Variants in SH3GL3 observed in about 807,000 individuals in gnomAD.
SH3GL3 encodes endophilin-A3.
Under a neutral mutation model 47.7 loss-of-function variants are expected in SH3GL3, and 33 were observed. The observed-to-expected ratio is 0.69, with a 90% CI of 0.52 to 0.92. The LOEUF is 0.92. Among genes scored for constraint, SH3GL3 ranks in the 40% least tolerant of loss-of-function variants. SH3GL3 has a pLI of 0.00. For synonymous variants in SH3GL3, 155 were observed against 148.8 expected, an observed-to-expected ratio of 1.04 and a Z score of -0.30; for missense variants, 363 against 417.8, an observed-to-expected ratio of 0.87 and a Z score of 1.14.
At chr15:83,586,233 A>G (rs1677763525) in intron 6 of SH3GL3, among the ~76,000 whole-genome samples, 1 of 152,180 alleles carries the variant, frequency 6.6e-6, no homozygotes, top group Non-Finnish European at 1.5e-5. Flanking sequence ...GGAGCAGGAA[A>G]GCTCTCAGGC....
intron 1 of SH3GL3, among the ~76,000 whole-genome samples, chr15:83,512,923 C>G (rs574997238): frequency 6.6e-6 from 1 of 152,304 alleles, no homozygotes; most frequent in African/African-American, 2.4e-5. Context: ...TTATCTCTTT[C>G]TTTTTCCTTC....
intron 8 of SH3GL3, among the ~76,000 whole-genome samples, chr15:83,599,574 C>T (rs750930325): frequency 6.6e-6 from 1 of 152,198 alleles, no homozygotes; most frequent in Non-Finnish European, 1.5e-5. Context: ...ATATATACCA[C>T]AGTTTTTTTA....
chr15:83,616,315 C>T (rs750513353), intron 8 of SH3GL3, among the ~76,000 whole-genome samples: 2 of 141,096 alleles, frequency 1.4e-5, no homozygotes, highest in Non-Finnish European at 3.0e-5. Context: ...TGCGGTGGCG[C>T]GATCTTGGCT....
chr15:83,601,652 GT>G (rs1184311813), intron 8 of SH3GL3, among the ~76,000 whole-genome samples: 1 of 151,978 alleles, frequency 6.6e-6, no homozygotes, highest in African/African-American at 2.4e-5. Context: ...TTGGTCTGTA[GT>G]TTTCTTTTTT....
At chr15:83,553,488 T>G (rs762244898) in intron 1 of SH3GL3, among the ~76,000 whole-genome samples, 6 of 152,206 alleles carry the variant, frequency 3.9e-5, no homozygotes, top group Non-Finnish European at 5.9e-5. Flanking sequence ...TGCCATTCCT[T>G]CTTCCTCCCT....
At chr15:83,626,883 C>G in the SH3GL3 span, among the ~76,000 whole-genome samples, 1 of 152,162 alleles carries the variant, frequency 6.6e-6, no homozygotes, top group Non-Finnish European at 1.5e-5. Flanking sequence ...TGTGTTTTGT[C>G]AGTTAGGCCC....
chr15:83,556,926 C>A (rs528571987), intron 1 of SH3GL3, among the ~76,000 whole-genome samples: 3 of 152,284 alleles, frequency 2.0e-5, no homozygotes, highest in Admixed American at 2.0e-4. Flanking sequence ...TCCACGTGGT[C>A]TTTCATTCTC....
intron 8 of SH3GL3, among the ~76,000 whole-genome samples, chr15:83,601,506 T>G (rs2060377697): frequency 6.6e-6 from 1 of 152,236 alleles, no homozygotes; most frequent in Admixed American, 6.5e-5. Context: ...ATATATTGAC[T>G]TGCGTATGTT....
chr15:83,459,570 C>G (rs1010537689), intron 1 of SH3GL3, among the ~76,000 whole-genome samples: 1 of 152,178 alleles, frequency 6.6e-6, no homozygotes, highest in Non-Finnish European at 1.5e-5. Flanking sequence ...GAATATTGAT[C>G]TACGCCTAGT....
In SH3GL3 at chr15:83,447,699, C is replaced by G; in HGVS notation, c.45+121C>G. The G allele has an allele frequency of 3.0e-6, 2 of 666,230 alleles. No individual in the cohort carries two copies. The highest frequency in any genetic ancestry group is 4.6e-6 in the Non-Finnish European group (2 of 433,808). The allele number at this position is 666,230 out of a possible 1,614,324, so 41.3% of individuals were successfully genotyped here. Reference sequence around the variant, plus strand: ...CCTCTCTCGGGGCTCAATTTCTTCCCGCCTAGGAGGGCGCGAGGGTGGGGT... The same window carrying G: ...CCTCTCTCGGGGCTCAATTTCTTCCGGCCTAGGAGGGCGCGAGGGTGGGGT... On this transcript the variant is annotated intron_variant, in intron 1 of 8. Transcript: ENST00000427482. This position sits in a 1 kb window ranked among gnomAD's most constrained non-coding sequence, Gnocchi z 5.1.
At chr15:83,549,783 A>G (rs1176185431) in intron 1 of SH3GL3, among the ~76,000 whole-genome samples, 1 of 152,142 alleles carries the variant, frequency 6.6e-6, no homozygotes, top group East Asian at 1.9e-4. Flanking sequence ...CCTTGGTTAC[A>G]GTGTATTCCA....
At chr15:83,596,217 A>AT (rs559645044) in intron 8 of SH3GL3, among the ~76,000 whole-genome samples, 32 of 152,076 alleles carry the variant, frequency 2.1e-4, no homozygotes, top group Non-Finnish European at 3.7e-4. Flanking sequence ...ATTTAATTCC[A>AT]TTTTTTATCA....
intron 1 of SH3GL3, among the ~76,000 whole-genome samples, chr15:83,527,412 C>T (rs187854209): frequency 1.2e-4 from 18 of 152,116 alleles, no homozygotes; most frequent in Admixed American, 1.1e-3. Context: ...GGTGCACATA[C>T]ATTTAGATTT....
chr15:83,512,132 G>A (rs2042784480), intron 1 of SH3GL3, among the ~76,000 whole-genome samples: 1 of 152,028 alleles, frequency 6.6e-6, no homozygotes, highest in South Asian at 2.1e-4. Context: ...GCTATTTAAG[G>A]AGACTTGACC....
At chr15:83,503,200 A>G (rs2042362213) in intron 1 of SH3GL3, among the ~76,000 whole-genome samples, 1 of 152,216 alleles carries the variant, frequency 6.6e-6, no homozygotes, top group Admixed American at 6.5e-5. Context: ...AAAAACCACC[A>G]GCAAAACTGT....
intron 1 of SH3GL3, among the ~76,000 whole-genome samples, chr15:83,474,254 A>G (rs2040989367): frequency 6.6e-6 from 1 of 152,122 alleles, no homozygotes; most frequent in African/African-American, 2.4e-5. Flanking sequence ...TGTAGTAATT[A>G]TATGCTAAAT....
At chr15:83,501,056 C>T (rs898733570) in intron 1 of SH3GL3, among the ~76,000 whole-genome samples, 16 of 152,154 alleles carry the variant, frequency 1.1e-4, no homozygotes, top group African/African-American at 3.1e-4. Context: ...TTTTAATGAC[C>T]TTTAGACCAG....
chr15:83,447,421 G>T lies in SH3GL3; in HGVS notation c.-113G>T. Reference sequence around the variant, plus strand: ...GGCCGTGGCCGTGGGAGGCGGGCCCGGCGGAGCCCAGCCGCGGGGGGACCG... The same window carrying T: ...GGCCGTGGCCGTGGGAGGCGGGCCCTGCGGAGCCCAGCCGCGGGGGGACCG... On this transcript the variant is annotated 5_prime_UTR_variant, in exon 1 of 9. Transcript: ENST00000427482. The surrounding 1 kb of genome is among the most constrained non-coding windows in gnomAD (Gnocchi z 5.1). The T allele has an allele frequency of 1.2e-6, 1 of 869,310 alleles. No individual in the cohort carries two copies. Among genetic ancestry groups the T allele is most frequent in the South Asian group, 4.5e-5 (1 of 22,132 alleles). The allele number at this position is 869,310 out of a possible 1,614,324, so 53.8% of individuals were successfully genotyped here.
At chr15:83,573,942 A>G (rs111773005) in intron 5 of SH3GL3, among the ~76,000 whole-genome samples, 1 of 152,332 alleles carries the variant, frequency 6.6e-6, no homozygotes, top group Non-Finnish European at 1.5e-5. Flanking sequence ...AGATGAGCCC[A>G]GGGACATGAA....
Sources: allele counts gnomAD v4.1 joint callset (sites outside exome capture counted in the v4.1 genomes callset), GRCh38; gene constraint gnomAD v4.1.1; non-coding constraint Gnocchi (gnomAD v3.1); transcripts MANE v1.5; gene names NCBI Gene and HGNC (gene_info 2026-07-23, HGNC 2026-07-21).